DOCK1: variants seen among roughly 807,000 people sequenced by gnomAD.
DOCK1 encodes the protein dedicator of cytokinesis protein 1.
In DOCK1, 138 loss-of-function variants were observed where a neutral mutation model predicts 262.7. That is an observed-to-expected ratio of 0.53 (90% CI 0.46 to 0.61). The LOEUF (loss-of-function observed/expected upper bound fraction) is 0.61. DOCK1 is among the 20% of genes least tolerant of loss of function. The pLI, the probability that DOCK1 is intolerant of heterozygous loss-of-function variation, is 0.00. For missense variants in DOCK1, 1,908 were observed against 2,370.7 expected, an observed-to-expected ratio of 0.80 and a Z score of 4.05; for synonymous variants, 866 against 867.4, an observed-to-expected ratio of 1.00 and a Z score of 0.03.
chr10:127,220,990 C>A (rs529000200), intron 27 of DOCK1, among the ~76,000 whole-genome samples: 1 of 152,294 alleles, frequency 6.6e-6, no homozygotes, highest in Admixed American at 6.5e-5. Context: ...TGTGCACTCA[C>A]CAGTTTAGAT....
chr10:127,243,168 A>G (rs912055707), intron 27 of DOCK1, among the ~76,000 whole-genome samples: 3 of 152,242 alleles, frequency 2.0e-5, no homozygotes, highest in Admixed American at 6.5e-5. Flanking sequence ...GTCCATTTTT[A>G]TTACACCTTC....
In DOCK1 at chr10:127,176,165, G is replaced by A. The variant is rs1335321668; in HGVS notation, c.2847+48401G>A. ...TGCGGTAGGCTGCTCTGCAGGACAC[G>A]GGCTTGGCCTCCCGCTTCTCCCCCA... On this transcript the variant is annotated intron_variant, in intron 27 of 51. Transcript: ENST00000623213. The surrounding 1 kb of genome is among the most constrained non-coding windows in gnomAD (Gnocchi z 4.4). The A allele has an allele frequency of 1.2e-5, 19 of 1,614,102 alleles. No homozygotes were observed. Among genetic ancestry groups the A allele is most frequent in the East Asian group, 4.5e-5 (2 of 44,842 alleles).
intron 21 of DOCK1, among the ~76,000 whole-genome samples, chr10:127,047,724 T>C (rs1302253218): frequency 2.6e-5 from 4 of 152,180 alleles, no homozygotes; most frequent in Admixed American, 2.0e-4. Flanking sequence ...GAATGTGTTT[T>C]GCCTGTTCTT....
At chr10:127,138,233 C>G (rs552723054) in intron 27 of DOCK1, among the ~76,000 whole-genome samples, 20 of 152,174 alleles carry the variant, frequency 1.3e-4, no homozygotes, top group Non-Finnish European at 4.4e-5. Context: ...TTACTTGCTT[C>G]TGTAGGTGAA....
At chr10:127,326,935 A>G (rs1307668545) in intron 29 of DOCK1, among the ~76,000 whole-genome samples, 1 of 152,242 alleles carries the variant, frequency 6.6e-6, no homozygotes, top group African/African-American at 2.4e-5. Flanking sequence ...TGCATTGTCA[A>G]TGAGCAGTAA....
chr10:126,947,201 G>A (rs1018036473), intron 1 of DOCK1, among the ~76,000 whole-genome samples: 3 of 152,218 alleles, frequency 2.0e-5, no homozygotes, highest in African/African-American at 7.2e-5. Flanking sequence ...GCAGAATAAA[G>A]TTTACCTCTG....
intron 31 of DOCK1, among the ~76,000 whole-genome samples, chr10:127,345,549 T>C (rs532037923): frequency 6.6e-6 from 1 of 152,234 alleles, no homozygotes; most frequent in Non-Finnish European, 1.5e-5. Flanking sequence ...AGCTGGGTGA[T>C]TCCTGCCTGA....
At chr10:127,071,478 C>T (rs1236820151) in intron 23 of DOCK1, among the ~76,000 whole-genome samples, 3 of 152,242 alleles carry the variant, frequency 2.0e-5, no homozygotes, top group African/African-American at 4.8e-5. Flanking sequence ...AATCATCTCT[C>T]TTCCACCGTT....
At chr10:127,163,095 C>G (rs1041759118) in intron 27 of DOCK1, among the ~76,000 whole-genome samples, 1 of 152,196 alleles carries the variant, frequency 6.6e-6, no homozygotes, top group African/African-American at 2.4e-5. Context: ...TTGTTTGTGG[C>G]TCTCTTGCAG....
chr10:126,931,742 C>T lies in DOCK1; in HGVS notation c.46+26179C>T, dbSNP rs977594737. Among the ~76,000 whole-genome samples the T allele has an allele frequency of 3.9e-3, 596 of 152,230 alleles. 3 individuals are homozygous for T. Among genetic ancestry groups the T allele is most frequent in the Non-Finnish European group, 6.6e-3 (448 of 68,012 alleles). ...CAGTCAGGCTCTGGCGGACGGCCTT[C>T]CTGTCACTTCCAGGAACCAATGTGT... On this transcript the variant is annotated intron_variant, in intron 1 of 51. Coordinates refer to ENST00000623213, the MANE Select transcript of DOCK1 (RefSeq NM_001290223.2).
intron 38 of DOCK1, among the ~76,000 whole-genome samples, chr10:127,389,393 A>T (rs1431021678): frequency 6.6e-6 from 1 of 152,204 alleles, no homozygotes; most frequent in East Asian, 1.9e-4. Context: ...AGAAGCTTGA[A>T]GTTGGGAGGG....
intron 38 of DOCK1, among the ~76,000 whole-genome samples, chr10:127,388,336 T>C (rs569506031): frequency 1.3e-5 from 2 of 152,270 alleles, no homozygotes; most frequent in South Asian, 2.1e-4. Context: ...TGAATATCCA[T>C]AATATTTCCA....
At chr10:127,007,439 C>A (rs1397274066) in intron 10 of DOCK1, 1 of 152,176 alleles carries the variant, frequency 6.6e-6, no homozygotes, top group Non-Finnish European at 1.5e-5. Flanking sequence ...TACAGAGAGA[C>A]CCTTCTGGGG....
intron 16 of DOCK1, among the ~76,000 whole-genome samples, chr10:127,030,164 C>T (rs1171512849): frequency 1.3e-5 from 2 of 152,052 alleles, no homozygotes; most frequent in Non-Finnish European, 1.5e-5. Flanking sequence ...GGACTCAAGG[C>T]GGGTGGATGT....
chr10:127,030,869 T>A (rs2043191401), intron 16 of DOCK1, among the ~76,000 whole-genome samples: 1 of 150,510 alleles, frequency 6.6e-6, no homozygotes, highest in Non-Finnish European at 1.5e-5. Flanking sequence ...AAACACAACA[T>A]CTGGTAGTGA....
chr10:127,074,003 A>G (rs1564783046), intron 23 of DOCK1, among the ~76,000 whole-genome samples: 1 of 152,202 alleles, frequency 6.6e-6, no homozygotes, highest in Non-Finnish European at 1.5e-5. Flanking sequence ...GACTTTAAAT[A>G]TGTCCCAGGA....
rs2070873530 is a variant in DOCK1 at position 127,450,340 on chromosome 10, G to A, written c.5566-992G>A. Among the ~76,000 whole-genome samples the A allele has an allele frequency of 2.6e-5, 4 of 152,186 alleles. No individual in the cohort carries two copies. In the South Asian group the frequency reaches 8.3e-4, roughly 32 times the overall value. On this transcript the variant is annotated intron_variant, in intron 51 of 51. Coordinates refer to ENST00000623213, the MANE Select transcript of DOCK1 (RefSeq NM_001290223.2). ...TCAGCTAAATGCAAACCCACACTGA[G>A]AGGCTGATAAAAATCCACTCTTACC... is the stretch of plus-strand genomic sequence containing the variant.
chr10:126,929,314 A>G (rs1432922638), intron 1 of DOCK1, among the ~76,000 whole-genome samples: 4 of 152,128 alleles, frequency 2.6e-5, no homozygotes, highest in Non-Finnish European at 1.5e-5. Flanking sequence ...GAGAAAAGCA[A>G]TTGCTACCCC....
chr10:126,984,703 G>T (rs2039237081), intron 4 of DOCK1, among the ~76,000 whole-genome samples: 1 of 152,130 alleles, frequency 6.6e-6, no homozygotes, highest in Non-Finnish European at 1.5e-5. Context: ...AATAAAAATT[G>T]TATGTATTTA....
Sources: gnomAD v4.1 joint callset for allele counts (sites outside exome capture counted in the v4.1 genomes callset) on GRCh38, gnomAD v4.1.1 for gene constraint, Gnocchi (gnomAD v3.1) non-coding constraint, MANE v1.5 for transcripts, NCBI Gene and HGNC (gene_info 2026-07-23, HGNC 2026-07-21) for gene names.